Variants in DGKZ observed in about 807,000 individuals in gnomAD.
DGKZ encodes the protein diacylglycerol kinase zeta, also known as DAG kinase zeta.
A neutral mutation model predicts 142.5 loss-of-function variants in DGKZ; 45 were observed. The ratio of observed to expected loss-of-function variants is 0.32; its 90% CI spans 0.25 to 0.40. The LOEUF is 0.40. Ranked by LOEUF, DGKZ falls within the 10% of genes least tolerant of loss-of-function variation. The probability of loss-of-function intolerance (pLI) is 1.00; values close to 1 mark genes in which losing one functional copy is unlikely to be tolerated. For missense variants in DGKZ, 755 were observed against 1,306.5 expected, an observed-to-expected ratio of 0.58 and a Z score of 6.51; for synonymous variants, 442 against 527.0, an observed-to-expected ratio of 0.84 and a Z score of 2.21.
chr11:46,372,383 G>A lies in DGKZ; in HGVS notation c.928-45G>A, dbSNP rs777080542. On this transcript the variant is annotated intron_variant, in intron 10 of 30. Transcript: ENST00000527911. The surrounding 1 kb of genome is among the most constrained non-coding windows in gnomAD (Gnocchi z 5.9). The stretch of plus-strand genomic sequence containing the variant: ...CCTCTCCCTCTGCTGCTCCCACTTC[G>A]TCCCACCACTGCCTGACTGTCTCTT... 9 of 1,603,116 alleles carry A rather than the reference G, an allele frequency of 5.6e-6. No individual in the cohort carries two copies. Among genetic ancestry groups the A allele is most frequent in the South Asian group, 1.1e-5 (1 of 90,824 alleles).
intron 1 of DGKZ, among the ~76,000 whole-genome samples, chr11:46,355,404 G>A (rs1336074264): frequency 6.6e-6 from 1 of 152,170 alleles, no homozygotes; most frequent in African/African-American, 2.4e-5. Flanking sequence ...CACCGCGCCC[G>A]GCTATTTTCT....
intron 6 of DGKZ, 90 bp from the exon 7 acceptor site, chr11:46,371,221 GTC>G (rs1290206138): frequency 1.6e-6 from 2 of 1,289,248 alleles, no homozygotes; most frequent in African/African-American, 1.5e-5. Context: ...GCGAGGCCCT[GTC>G]TCTGGGTGGA....
At chr11:46,347,381 A>C (rs1188344477), upstream of DGKZ, 10 of 983,918 alleles carry the variant, frequency 1.0e-5, no homozygotes, top group Non-Finnish European at 1.2e-5. This position sits in a 1 kb window ranked among gnomAD's most constrained non-coding sequence, Gnocchi z 6.4. Context: ...GCCCGGTGCC[A>C]CCGTGCGGCC....
Position 46,366,687 on chromosome 11 carries a change from C to T in DGKZ, c.162-604C>T, listed in dbSNP as rs142912996. On this transcript the variant is annotated intron_variant, in intron 1 of 30. Coordinates refer to ENST00000527911, the Ensembl canonical transcript of DGKZ. Reference sequence around the variant, plus strand: ...CCAGGCACCAAGACACCAGGGCCACCCCCACCTCGGGGCGCCCAGCCGCTG... The same window carrying T: ...CCAGGCACCAAGACACCAGGGCCACTCCCACCTCGGGGCGCCCAGCCGCTG... The T allele has an allele frequency of 5.1e-4, 807 of 1,574,326 alleles. 3 individuals are homozygous for T. The African/African-American group carries it at 9.3e-3, about 18-fold the overall frequency.
chr11:46,361,842 C>T (rs1021914171), intron 1 of DGKZ: 4 of 231,374 alleles, frequency 1.7e-5, no homozygotes, highest in Admixed American at 6.5e-5. Context: ...CTGCCAGGTT[C>T]CTGAAGCTGA....
At chr11:46,364,743 T>G in intron 1 of DGKZ, 3 of 985,432 alleles carry the variant, frequency 3.0e-6, no homozygotes, top group Non-Finnish European at 3.6e-6. Flanking sequence ...CCTCCAGCCC[T>G]TCATCTTTGC....
intron 14 of DGKZ, among the ~76,000 whole-genome samples, chr11:46,373,318 G>T (rs548046558): frequency 2.9e-4 from 35 of 120,366 alleles, no homozygotes; most frequent in African/African-American, 1.1e-3. Flanking sequence ...ACTGAGTCTC[G>T]CTCTGTTACC....
intron 6 of DGKZ, 54 bp downstream of exon 6, chr11:46,370,063 G>A (rs1273939436): frequency 1.6e-5 from 26 of 1,608,176 alleles, no homozygotes; most frequent in East Asian, 2.2e-5. Flanking sequence ...CCTGAGCCCA[G>A]GCCATGTGGC....
chr11:46,379,672 C>A, intron 30 of DGKZ, 104 bp downstream of exon 30: 2 of 1,310,718 alleles, frequency 1.5e-6, no homozygotes, highest in South Asian at 1.5e-5. Context: ...AAGACACAGT[C>A]CAGACCCTGG....
intron 1 of DGKZ, among the ~76,000 whole-genome samples, chr11:46,350,695 C>T (rs1941264313): frequency 6.6e-6 from 1 of 152,146 alleles, no homozygotes; most frequent in African/African-American, 2.4e-5. Context: ...GTCTTGATGG[C>T]ACATGGGCCA....
chr11:46,377,904 C>G (rs373029721), intron 25 of DGKZ: 27 of 507,198 alleles, frequency 5.3e-5, no homozygotes, highest in East Asian at 4.5e-4. Context: ...CCCAGGACCC[C>G]CTCTGCAGGG....
At chr11:46,370,171 C>G (rs1226416392) in intron 6 of DGKZ, among the ~76,000 whole-genome samples, 162 bp downstream of exon 6, 1 of 152,262 alleles carries the variant, frequency 6.6e-6, no homozygotes, top group South Asian at 2.1e-4. Flanking sequence ...AGCACCCTGG[C>G]CTGCTCTTGG....
intron 1 of DGKZ, among the ~76,000 whole-genome samples, chr11:46,337,294 T>C (rs1940061234): frequency 7.4e-6 from 1 of 135,164 alleles, no homozygotes; most frequent in Non-Finnish European, 1.6e-5. Context: ...GTTCTTTTTT[T>C]TTTTTTTTTT....
In DGKZ at chr11:46,362,433, G is replaced by A. The variant is rs1942771180; in HGVS notation, c.162-4858G>A. Among the ~76,000 whole-genome samples, 13 of 152,248 alleles carry A rather than the reference G, an allele frequency of 8.5e-5. No individual in the cohort carries two copies. The South Asian group carries it at 2.7e-3, about 32-fold the overall frequency. Reference sequence around the variant, plus strand: ...CCTGGGCACTCCTGCTTCCCTTTCTGGGTTCCTGGCCTCACTGTGGGCAGA... The same window carrying A: ...CCTGGGCACTCCTGCTTCCCTTTCTAGGTTCCTGGCCTCACTGTGGGCAGA... On this transcript the variant is annotated intron_variant, in intron 1 of 30. Coordinates refer to ENST00000527911, the Ensembl canonical transcript of DGKZ.
intron 1 of DGKZ, among the ~76,000 whole-genome samples, chr11:46,348,110 G>A (rs1447645337): frequency 2.0e-5 from 3 of 152,118 alleles, no homozygotes; most frequent in African/African-American, 7.2e-5. Flanking sequence ...TGGGAGGATC[G>A]GCTCCCAACC....
chr11:46,369,707 C>A lies in DGKZ; in HGVS notation c.501+157C>A, dbSNP rs1050064989. 61 of 1,052,666 alleles carry A rather than the reference C, an allele frequency of 5.8e-5. No individual in the cohort carries two copies. The African/African-American group carries it at 8.7e-4, about 15-fold the overall frequency. 65.2% of individuals were successfully genotyped at this position (1,052,666 alleles called of 1,614,324 possible). A position where few individuals can be genotyped will look rare whatever the true frequency, so the allele number is the denominator to read the frequency against. On this transcript the variant is annotated intron_variant, in intron 5 of 30. Transcript: ENST00000527911. Reference sequence around the variant, plus strand: ...CTGCCATGCGGAGGCCTAACTAGCGCTGCCTGCGGAGTGGGTGGGACAGCT... The same window carrying A: ...CTGCCATGCGGAGGCCTAACTAGCGATGCCTGCGGAGTGGGTGGGACAGCT...
chr11:46,367,337 C>T lies in DGKZ; in HGVS notation c.208C>T (p.Pro70Ser). 6.2e-7 allele frequency: 1 copy of T among 1,613,080 alleles called. No individual in the cohort carries two copies. The highest frequency in any genetic ancestry group is 8.5e-7 in the Non-Finnish European group (1 of 1,179,998). ...CCTCCAGCACCTGGCCCCCCCTCCG[C>T]CCACCCCTGGGGCCCCGTGCAGCGA... Residue 70 changes from proline (P) to serine (S), a missense_variant, in exon 2 of 31, where the codon CCC (proline) becomes TCC (serine). Physicochemically the swap from Pro to Ser is moderately conservative, Grantham distance 74. Transcript: ENST00000527911. This position sits in a 1 kb window ranked among gnomAD's most constrained non-coding sequence, Gnocchi z 4.1.
At chr11:46,366,912 C>T in intron 1 of DGKZ, 1 of 1,546,036 alleles carries the variant, frequency 6.5e-7, no homozygotes, top group Non-Finnish European at 8.7e-7. Context: ...CGTGTGCGCC[C>T]ACTGTCCCGC....
At chr11:46,364,342 C>T (rs1474579821) in intron 1 of DGKZ, 1 of 1,284,550 alleles carries the variant, frequency 7.8e-7, no homozygotes, top group African/African-American at 1.5e-5. Context: ...TTGTCAGGGG[C>T]TTAGCACAGT....
Sources: allele counts gnomAD v4.1 joint callset (sites outside exome capture counted in the v4.1 genomes callset), GRCh38; gene constraint gnomAD v4.1.1; non-coding constraint Gnocchi (gnomAD v3.1); transcripts MANE v1.5; gene names NCBI Gene and HGNC (gene_info 2026-07-23, HGNC 2026-07-21).